The following VPS41 variants were observed in gnomAD, a reference collection of about 807,000 sequenced individuals.
VPS41 encodes the protein VPS41 subunit of HOPS complex, also known as vacuolar protein sorting-associated protein 41 homolog.
A neutral mutation model predicts 130.9 loss-of-function variants in VPS41; 85 were observed. That is an observed-to-expected ratio of 0.65 (90% CI 0.55 to 0.78). The LOEUF is 0.78. VPS41 is among the 30% of genes least tolerant of loss of function. The pLI is 0.00. For missense variants in VPS41, 874 were observed against 1,018.7 expected (o/e 0.86, Z 1.93); for synonymous variants, 335 against 332.9 (o/e 1.01, Z -0.07).
At chr7:38,735,487 A>G (rs544646654) in intron 25 of VPS41, among the ~76,000 whole-genome samples, 3 of 148,286 alleles carry the variant, frequency 2.0e-5, no homozygotes, top group Non-Finnish European at 2.9e-5. Context: ...GTGTGTGTAC[A>G]TGTGTGTGTC....
chr7:38,768,056 G>C (rs1031799774), intron 14 of VPS41, among the ~76,000 whole-genome samples: 7 of 152,144 alleles, frequency 4.6e-5, no homozygotes, highest in African/African-American at 1.7e-4. Flanking sequence ...TCATACTAAA[G>C]GAAATAGGGA....
chr7:38,752,336 C>A (rs1426904483), intron 21 of VPS41, 23 bp from the exon 22 acceptor site: 1 of 1,612,526 alleles, frequency 6.2e-7, no homozygotes, highest in South Asian at 1.1e-5. Context: ...AAAGATAAGC[C>A]GTGACCCATT....
chr7:38,831,277 G>A (rs1272908846), intron 4 of VPS41: 2 of 470,928 alleles, frequency 4.2e-6, no homozygotes, highest in South Asian at 1.6e-5. Context: ...TTTAGTAAGT[G>A]TGTGCAGCCT....
At chr7:38,794,272 GCA>G (rs1462160697) in intron 9 of VPS41, among the ~76,000 whole-genome samples, 1 of 152,086 alleles carries the variant, frequency 6.6e-6, no homozygotes, top group South Asian at 2.1e-4. Flanking sequence ...TACGATATAG[GCA>G]CAGTTTCCTT....
intron 1 of VPS41, among the ~76,000 whole-genome samples, chr7:38,904,279 A>G (rs1299470621): frequency 6.6e-6 from 1 of 152,150 alleles, no homozygotes; most frequent in African/African-American, 2.4e-5. Context: ...TCAGCTAGTG[A>G]AGTGGCCTCT....
intron 3 of VPS41, 127 bp downstream of exon 3, chr7:38,869,017 GAA>G (rs1786288742): frequency 3.0e-6 from 2 of 658,852 alleles, no homozygotes; most frequent in Non-Finnish European, 5.1e-6. Flanking sequence ...TGGCAAGGAG[GAA>G]GAGAGCAGTG....
At chr7:38,858,315 G>A (rs1786028689) in intron 4 of VPS41, among the ~76,000 whole-genome samples, 1 of 152,144 alleles carries the variant, frequency 6.6e-6, no homozygotes, top group Non-Finnish European at 1.5e-5. Flanking sequence ...GAGTCAGTTT[G>A]GAATCTGGTA....
At chr7:38,886,197 G>C (rs1258407447) in intron 2 of VPS41, among the ~76,000 whole-genome samples, 1 of 152,052 alleles carries the variant, frequency 6.6e-6, no homozygotes, top group African/African-American at 2.4e-5. Context: ...GCAGGGCAGG[G>C]CGTCACCTCA....
At chr7:38,854,750 GATAAATTAC>G (rs1562611240) in intron 4 of VPS41, among the ~76,000 whole-genome samples, 2 of 151,470 alleles carry the variant, frequency 1.3e-5, no homozygotes, top group Admixed American at 1.3e-4. Flanking sequence ...ATGATGCAGA[GATAAATTAC>G]ACAAACTGTC....
chr7:38,781,511 A>G (rs1340554025), intron 10 of VPS41, among the ~76,000 whole-genome samples: 2 of 152,184 alleles, frequency 1.3e-5, no homozygotes, highest in Non-Finnish European at 2.9e-5. Context: ...CATTTTCATG[A>G]AATTTTTCTT....
At chr7:38,741,365 A>G in intron 25 of VPS41, 1 of 352,420 alleles carries the variant, frequency 2.8e-6, no homozygotes, top group Admixed American at 4.5e-5. Flanking sequence ...GAGTCTTTTT[A>G]AGGAAAAGAT....
chr7:38,818,683 C>T (rs1357281345), intron 6 of VPS41, among the ~76,000 whole-genome samples: 2 of 152,128 alleles, frequency 1.3e-5, no homozygotes, highest in African/African-American at 2.4e-5. Context: ...TGCATAGACT[C>T]CACCTCCTTC....
chr7:38,799,458 T>C (rs1784683731), intron 7 of VPS41, among the ~76,000 whole-genome samples: 1 of 151,804 alleles, frequency 6.6e-6, no homozygotes, highest in African/African-American at 2.4e-5. Flanking sequence ...ACAATCAAAG[T>C]TGTAAAAAAA....
At chr7:38,733,190 G>A (rs552763917) in intron 25 of VPS41, among the ~76,000 whole-genome samples, 1 of 152,276 alleles carries the variant, frequency 6.6e-6, no homozygotes, top group African/African-American at 2.4e-5. Context: ...TGCCTTTATT[G>A]TAGCTATACA....
chr7:38,813,609 C>T (rs771006726), intron 7 of VPS41, among the ~76,000 whole-genome samples: 1 of 152,146 alleles, frequency 6.6e-6, no homozygotes, highest in Admixed American at 6.5e-5. Flanking sequence ...TGGGTAATCA[C>T]GGGATTCCTC....
intron 11 of VPS41, among the ~76,000 whole-genome samples, chr7:38,776,456 A>G (rs1034003823): frequency 5.9e-5 from 9 of 152,250 alleles, no homozygotes; most frequent in African/African-American, 1.7e-4. Context: ...GTCGAAAAAA[A>G]AGACTCTTTT....
chr7:38,893,779 T>C (rs1450044840), intron 2 of VPS41, among the ~76,000 whole-genome samples: 1 of 152,230 alleles, frequency 6.6e-6, no homozygotes, highest in Non-Finnish European at 1.5e-5. Context: ...TTAAAATTCT[T>C]AAAGTTTTAA....
intron 4 of VPS41, among the ~76,000 whole-genome samples, chr7:38,842,564 A>AT (rs1785630334): frequency 6.6e-6 from 1 of 152,030 alleles, no homozygotes; most frequent in African/African-American, 2.4e-5. Context: ...TGATAAAGCC[A>AT]TTTTTCACTG....
chr7:38,884,114 C>A (rs1410321737), intron 2 of VPS41, among the ~76,000 whole-genome samples: 1 of 152,100 alleles, frequency 6.6e-6, no homozygotes. Flanking sequence ...ATTTAATTTT[C>A]AATAAATGAT....
Sources: gnomAD v4.1 joint callset for allele counts (sites outside exome capture counted in the v4.1 genomes callset) on GRCh38, gnomAD v4.1.1 for gene constraint, MANE v1.5 for transcripts, NCBI Gene and HGNC (gene_info 2026-07-23, HGNC 2026-07-21) for gene names.